Variants in PTPRG observed in about 807,000 individuals in gnomAD.
PTPRG encodes the protein protein tyrosine phosphatase receptor type G.
In PTPRG, 102 loss-of-function variants were observed where a neutral mutation model predicts 165.3. The observed-to-expected ratio is 0.62, with a 90% CI of 0.53 to 0.73. PTPRG has a LOEUF of 0.73. PTPRG is among the 30% of genes least tolerant of loss of function. The probability of loss-of-function intolerance (pLI) is 0.00; values close to 1 mark genes in which losing one functional copy is unlikely to be tolerated. For missense variants in PTPRG, 1,866 were observed against 1,861.4 expected, an observed-to-expected ratio of 1.00 and a Z score of -0.05; for synonymous variants, 675 against 669.5, an observed-to-expected ratio of 1.01 and a Z score of -0.13.
intron 2 of PTPRG, among the ~76,000 whole-genome samples, chr3:61,898,636 C>G (rs750829292): frequency 3.3e-4 from 51 of 152,274 alleles, no homozygotes; most frequent in South Asian, 6.2e-4. Context: ...CAGGCATTAC[C>G]TCTCCTCATT....
chr3:61,888,906 A>T (rs2038130619), intron 2 of PTPRG, among the ~76,000 whole-genome samples: 1 of 152,152 alleles, frequency 6.6e-6, no homozygotes, highest in African/African-American at 2.4e-5. Flanking sequence ...TATTTTGCAG[A>T]ATGTCTCTCA....
intron 1 of PTPRG, among the ~76,000 whole-genome samples, chr3:61,707,319 T>C (rs1452266501): frequency 5.9e-5 from 9 of 152,202 alleles, no homozygotes; most frequent in African/African-American, 2.2e-4. Flanking sequence ...GAGAGAAAGA[T>C]TTATTATAAC....
intron 28 of PTPRG, among the ~76,000 whole-genome samples, chr3:62,286,439 G>A (rs776943613): frequency 3.3e-5 from 5 of 151,994 alleles, no homozygotes; most frequent in Admixed American, 1.3e-4. Context: ...TAAAAACAAC[G>A]TATTAAAAGC....
At chr3:61,984,438 A>T (rs997861173) in intron 2 of PTPRG, among the ~76,000 whole-genome samples, 3 of 152,214 alleles carry the variant, frequency 2.0e-5, no homozygotes, top group African/African-American at 7.2e-5. Flanking sequence ...TATGACAGTC[A>T]TCCCAGTATT....
chr3:61,968,565 T>A (rs1159232823), intron 2 of PTPRG, among the ~76,000 whole-genome samples: 1 of 152,238 alleles, frequency 6.6e-6, no homozygotes, highest in African/African-American at 2.4e-5. Flanking sequence ...TTAGTGCCTT[T>A]GGCATTATCT....
intron 17 of PTPRG, among the ~76,000 whole-genome samples, chr3:62,266,954 C>T (rs1373408046): frequency 6.6e-6 from 1 of 151,534 alleles, no homozygotes; most frequent in Non-Finnish European, 1.5e-5. Flanking sequence ...CTGGTTTCCT[C>T]AATTCCTTAG....
intron 1 of PTPRG, among the ~76,000 whole-genome samples, chr3:61,647,506 A>G (rs1455839649): frequency 2.0e-5 from 3 of 152,136 alleles, no homozygotes; most frequent in Non-Finnish European, 2.9e-5. Context: ...AAAGTTATCA[A>G]TTGGCCGGGC....
At chr3:61,656,884 G>C (rs1702523272) in intron 1 of PTPRG, among the ~76,000 whole-genome samples, 1 of 152,158 alleles carries the variant, frequency 6.6e-6, no homozygotes, top group South Asian at 2.1e-4. Context: ...AGGCACCCAG[G>C]ATAGAGTGGT....
At chr3:61,808,262 T>C (rs1479588623) in intron 2 of PTPRG, among the ~76,000 whole-genome samples, 1 of 152,174 alleles carries the variant, frequency 6.6e-6, no homozygotes, top group Non-Finnish European at 1.5e-5. Flanking sequence ...CGATTTTTTG[T>C]TTGGTTATTT....
intron 2 of PTPRG, among the ~76,000 whole-genome samples, chr3:61,917,847 A>G (rs1575782858): frequency 1.3e-5 from 2 of 152,174 alleles, no homozygotes; most frequent in Non-Finnish European, 2.9e-5. Flanking sequence ...CAGAAGAATC[A>G]CTTGAAGCCA....
intron 2 of PTPRG, among the ~76,000 whole-genome samples, chr3:61,885,680 T>TCCTCC (rs2038012753): frequency 1.4e-3 from 4 of 2,948 alleles, no homozygotes; most frequent in East Asian, 9.1e-3. Flanking sequence ...TCCTCTCCTC[T>TCCTCC]CCTCTCCTCT....
intron 4 of PTPRG, among the ~76,000 whole-genome samples, chr3:62,041,121 G>A (rs1390477976): frequency 2.0e-5 from 3 of 152,180 alleles, no homozygotes; most frequent in Admixed American, 1.3e-4. Flanking sequence ...GAGAATTAAA[G>A]GAGTTGATAC....
intron 2 of PTPRG, among the ~76,000 whole-genome samples, chr3:61,896,541 C>T (rs1484180659): frequency 6.6e-6 from 1 of 152,122 alleles, no homozygotes; most frequent in Non-Finnish European, 1.5e-5. Context: ...TATGAACCTA[C>T]ATTTTCTATT....
intron 2 of PTPRG, among the ~76,000 whole-genome samples, chr3:61,790,815 A>T (rs2034848091): frequency 6.7e-6 from 1 of 149,516 alleles, no homozygotes; most frequent in Non-Finnish European, 1.5e-5. Context: ...TAATTATTTC[A>T]TCTAGGAAAA....
At chr3:61,740,051 G>T (rs1383999411) in intron 1 of PTPRG, among the ~76,000 whole-genome samples, 1 of 152,208 alleles carries the variant, frequency 6.6e-6, no homozygotes, top group Non-Finnish European at 1.5e-5. Flanking sequence ...GGGTGGCCGT[G>T]TTCAGCATGG....
intron 9 of PTPRG, among the ~76,000 whole-genome samples, chr3:62,193,203 T>A (rs138387307): frequency 1.4e-3 from 220 of 152,372 alleles, no homozygotes; most frequent in African/African-American, 5.0e-3. Flanking sequence ...TTATGCAGTT[T>A]CTTGTTCTAA....
intron 3 of PTPRG, 128 bp downstream of exon 3, chr3:61,989,932 T>G: frequency 1.0e-6 from 1 of 970,332 alleles, no homozygotes; most frequent in Non-Finnish European, 1.5e-6. Flanking sequence ...AAATCAGTCC[T>G]TAGTTTCAGA....
Position 62,014,570 on chromosome 3 carries a change from T to C in PTPRG, c.519+11073T>C, listed in dbSNP as rs894424786. On this transcript the variant is annotated intron_variant, in intron 4 of 29. Transcript: ENST00000474889. The stretch of plus-strand genomic sequence containing the variant: ...TTAAAACCTTCACTCTGTTCATTTC[T>C]AAAATTCAGTATTTCAGGGAATTTT... 2.6e-5 allele frequency among the ~76,000 whole-genome samples: 4 copies of C among 152,216 alleles called. No homozygotes were observed. In the South Asian group the frequency reaches 8.3e-4, roughly 32 times the overall value.
intron 2 of PTPRG, among the ~76,000 whole-genome samples, chr3:61,855,204 T>C (rs1040077001): frequency 6.6e-6 from 1 of 152,190 alleles, no homozygotes; most frequent in Non-Finnish European, 1.5e-5. Context: ...GAGCCACCTG[T>C]AAGGTAAAAG....
Sources: allele counts gnomAD v4.1 joint callset (sites outside exome capture counted in the v4.1 genomes callset), GRCh38; gene constraint gnomAD v4.1.1; transcripts MANE v1.5; gene names NCBI Gene and HGNC (gene_info 2026-07-23, HGNC 2026-07-21).